PRKG1: variants seen among roughly 807,000 people sequenced by gnomAD.
The protein encoded by PRKG1 is cGMP-dependent protein kinase 1.
In PRKG1, 35 loss-of-function variants were observed where a neutral mutation model predicts 88.1. The ratio of observed to expected loss-of-function variants is 0.40; its 90% confidence interval spans 0.30 to 0.53. The LOEUF is 0.53. PRKG1 is among the 20% of genes least tolerant of loss of function. PRKG1 has a pLI of 0.59. For synonymous variants in PRKG1, 303 were observed against 292.5 expected, an observed-to-expected ratio of 1.04 and a Z score of -0.37; for missense variants, 540 against 839.8, an observed-to-expected ratio of 0.64 and a Z score of 4.41.
intron 2 of PRKG1, among the ~76,000 whole-genome samples, chr10:51,241,920 A>G (rs142927057): frequency 9.9e-4 from 150 of 152,130 alleles, no homozygotes; most frequent in African/African-American, 3.1e-3. Flanking sequence ...CCTGGATACC[A>G]AAGATCCACA....
intron 2 of PRKG1, among the ~76,000 whole-genome samples, chr10:51,243,090 A>T (rs1051253434): frequency 6.6e-6 from 1 of 152,148 alleles, no homozygotes; most frequent in South Asian, 2.1e-4. Context: ...CCCCTTAATT[A>T]GTAGATATCA....
intron 9 of PRKG1, among the ~76,000 whole-genome samples, chr10:52,243,067 A>G (rs1840909859): frequency 6.6e-6 from 1 of 152,156 alleles, no homozygotes; most frequent in Admixed American, 6.6e-5. Flanking sequence ...TCTTTTACAA[A>G]TGCTGCTCTG....
chr10:51,447,570 T>C (rs998591960), intron 2 of PRKG1, among the ~76,000 whole-genome samples: 1 of 152,062 alleles, frequency 6.6e-6, no homozygotes, highest in East Asian at 1.9e-4. Context: ...CCTATTTCCT[T>C]AACTTTAACT....
chr10:51,100,207 A>T (rs898547913), intron 1 of PRKG1, among the ~76,000 whole-genome samples: 17 of 152,164 alleles, frequency 1.1e-4, no homozygotes, highest in African/African-American at 4.1e-4. Context: ...TTTTGTGTGT[A>T]TGTTTTAAAT....
chr10:51,966,743 G>A (rs1843577023), intron 5 of PRKG1, among the ~76,000 whole-genome samples: 1 of 152,154 alleles, frequency 6.6e-6, no homozygotes, highest in African/African-American at 2.4e-5. Context: ...GCCCTGGTGT[G>A]CCACTTTCAC....
intron 5 of PRKG1, chr10:51,910,867 A>T (rs1842201298): frequency 6.6e-6 from 1 of 152,258 alleles, no homozygotes; most frequent in South Asian, 2.1e-4. Flanking sequence ...TGGTAGGATC[A>T]GTGACTTTTA....
intron 5 of PRKG1, among the ~76,000 whole-genome samples, chr10:52,045,439 G>T (rs1226731755): frequency 6.6e-6 from 1 of 152,114 alleles, no homozygotes; most frequent in East Asian, 1.9e-4. Context: ...GAAAGAGCAA[G>T]GCAAAGTTCA....
intron 5 of PRKG1, among the ~76,000 whole-genome samples, chr10:51,946,900 A>G (rs191829973): frequency 0.11 from 17,001 of 152,014 alleles, 1,250 homozygotes; most frequent in East Asian, 0.35. Flanking sequence ...TAGGCTGCTC[A>G]GGGGTCAGGG....
chr10:51,537,586 A>G (rs1454044912), intron 3 of PRKG1, among the ~76,000 whole-genome samples: 1 of 151,918 alleles, frequency 6.6e-6, no homozygotes, highest in Non-Finnish European at 1.5e-5. Flanking sequence ...AAAATTAGCT[A>G]GGCGTGGTGG....
chr10:51,294,481 C>CCAGTGTGTGTTCTTGGAA, intron 2 of PRKG1, among the ~76,000 whole-genome samples: 1 of 141,548 alleles, frequency 7.1e-6, no homozygotes, highest in African/African-American at 2.6e-5. Flanking sequence ...CATCCTTTCC[C>CCAGTGTGTGTTCTTGGAA]CAGTGTGTGT....
chr10:52,015,096 A>G lies in PRKG1; in HGVS notation c.763-39388A>G, dbSNP rs186582686. On this transcript the variant is annotated intron_variant, in intron 5 of 17. Coordinates refer to ENST00000373980, the MANE Select transcript of PRKG1 (RefSeq NM_006258.4). Reference sequence around the variant, plus strand: ...CACAGCTCTTCTAGGCAGTGCCCCAATGGGGACTCTGTGTGGGGGCTCCAG... The same window carrying G: ...CACAGCTCTTCTAGGCAGTGCCCCAGTGGGGACTCTGTGTGGGGGCTCCAG... Among the ~76,000 whole-genome samples the G allele has an allele frequency of 3.8e-3, 584 of 152,284 alleles. 3 individuals carry two copies. The highest frequency in any genetic ancestry group is 0.013 in the African/African-American group (560 of 41,566).
chr10:51,248,153 G>C (rs533880816), intron 2 of PRKG1, among the ~76,000 whole-genome samples: 1 of 151,914 alleles, frequency 6.6e-6, no homozygotes, highest in African/African-American at 2.4e-5. Flanking sequence ...AAGCTTTAAG[G>C]GTTGCTCTTG....
intron 4 of PRKG1, among the ~76,000 whole-genome samples, chr10:51,876,176 C>G (rs749058609): frequency 6.6e-6 from 1 of 152,068 alleles, no homozygotes; most frequent in Non-Finnish European, 1.5e-5. Flanking sequence ...ATTTGCCCTC[C>G]CCACATCCAT....
At chr10:52,176,584 G>A (rs995508466) in intron 9 of PRKG1, among the ~76,000 whole-genome samples, 2 of 152,056 alleles carry the variant, frequency 1.3e-5, no homozygotes, top group African/African-American at 4.8e-5. Flanking sequence ...GATAGGGATT[G>A]CATTAAATCC....
At chr10:51,156,323 A>ACACACACACACACACACACACACACC (rs796364856) in intron 2 of PRKG1, among the ~76,000 whole-genome samples, 15 of 151,240 alleles carry the variant, frequency 9.9e-5, no homozygotes, top group Admixed American at 2.6e-4. Flanking sequence ...AAACACACAC[A>ACACACACACACACACACACACACACC]CCCGAATGTA....
At chr10:51,468,243 GAAAAATT>G (rs1361056811) in intron 3 of PRKG1, among the ~76,000 whole-genome samples, 1 of 151,802 alleles carries the variant, frequency 6.6e-6, no homozygotes, top group Non-Finnish European at 1.5e-5. Context: ...CAGTGGTTTA[GAAAAATT>G]AAGAGAAGAA....
chr10:51,250,874 A>G (rs1424686504), intron 2 of PRKG1, among the ~76,000 whole-genome samples: 1 of 151,698 alleles, frequency 6.6e-6, no homozygotes, highest in Non-Finnish European at 1.5e-5. Flanking sequence ...TTCCAGCCCT[A>G]CACCCTGTGT....
chr10:52,094,123 A>C (rs926349147), intron 7 of PRKG1, among the ~76,000 whole-genome samples: 3 of 152,188 alleles, frequency 2.0e-5, no homozygotes, highest in African/African-American at 7.2e-5. Flanking sequence ...TTTAATATAG[A>C]ATAGATTAAT....
intron 3 of PRKG1, among the ~76,000 whole-genome samples, chr10:51,579,706 G>A (rs1259515937): frequency 2.0e-5 from 3 of 151,720 alleles, no homozygotes; most frequent in African/African-American, 7.3e-5. Context: ...CTACTTCTAG[G>A]GTAATAATTT....
Sources: gnomAD v4.1 joint callset for allele counts (sites outside exome capture counted in the v4.1 genomes callset) on GRCh38, gnomAD v4.1.1 for gene constraint, MANE v1.5 for transcripts, NCBI Gene and HGNC (gene_info 2026-07-23, HGNC 2026-07-21) for gene names.